The following CLCN6 variants were observed in gnomAD, a reference collection of about 807,000 sequenced individuals.
CLCN6 encodes Cl-/H+ antiporter 6, also known as H(+)/Cl(-) exchange transporter 6.
A neutral mutation model predicts 109.8 loss-of-function variants in CLCN6; 70 were observed. The observed-to-expected ratio is 0.64, with a 90% CI of 0.53 to 0.78. CLCN6 has a LOEUF of 0.78. CLCN6 is among the 30% of genes least tolerant of loss of function. CLCN6 has a pLI of 0.00. For missense variants in CLCN6, 984 were observed against 1,142.3 expected (o/e 0.86, Z 2.00); for synonymous variants, 444 against 447.8 (o/e 0.99, Z 0.11).
At chr1:11,819,903 T>G (rs1410397726) in intron 5 of CLCN6, among the ~76,000 whole-genome samples, 2 of 152,204 alleles carry the variant, frequency 1.3e-5, no homozygotes, top group Non-Finnish European at 2.9e-5. Flanking sequence ...GCAGTCAGTA[T>G]AGTTCTAAAT....
At chr1:11,812,634 G>T (rs1379995727) in intron 2 of CLCN6, among the ~76,000 whole-genome samples, 2 of 143,928 alleles carry the variant, frequency 1.4e-5, no homozygotes, top group Non-Finnish European at 3.0e-5. Context: ...AAGATACCAC[G>T]GCTCAAAAAA....
chr1:11,811,242 C>T (rs771859759), intron 2 of CLCN6, among the ~76,000 whole-genome samples: 3 of 152,024 alleles, frequency 2.0e-5, no homozygotes, highest in Non-Finnish European at 4.4e-5. Flanking sequence ...TCTAGCGTTG[C>T]GGTTGTTTCT....
chr1:11,806,829 C>G (rs1374445691), intron 1 of CLCN6: 2 of 408,322 alleles, frequency 4.9e-6, no homozygotes, highest in African/African-American at 4.1e-5. Context: ...AGATACGTCA[C>G]ACTGTCAAAT....
rs1422615019 is a variant in CLCN6, at chr1:11,823,848, A to G, written c.580+15A>G. 4 of 1,613,620 alleles carry G rather than the reference A, an allele frequency of 2.5e-6. No individual in the cohort carries two copies. Among genetic ancestry groups the G allele is most frequent in the Admixed American group, 1.7e-5 (1 of 59,936 alleles). ...TGTGGCTGGAGGTAAGAAGGGTCCAACTTGTATCCTTCAAATACTCAAAGG... is the reference window on the plus strand; with the variant it reads ...TGTGGCTGGAGGTAAGAAGGGTCCAGCTTGTATCCTTCAAATACTCAAAGG... On this transcript the variant is annotated intron_variant, in intron 7 of 22. Transcript: ENST00000346436.
chr1:11,813,844 A>G (rs1644634844), intron 2 of CLCN6, among the ~76,000 whole-genome samples: 1 of 152,236 alleles, frequency 6.6e-6, no homozygotes, highest in South Asian at 2.1e-4. Flanking sequence ...TTAATCAAAA[A>G]GGGATATTAT....
chr1:11,825,758 G>A (rs897761272), intron 8 of CLCN6, among the ~76,000 whole-genome samples: 24 of 152,198 alleles, frequency 1.6e-4, no homozygotes, highest in Admixed American at 5.9e-4. Flanking sequence ...GAGTAGCTGG[G>A]ATTACAGGCA....
intron 22 of CLCN6, among the ~76,000 whole-genome samples, chr1:11,839,379 A>C (rs1644991054): frequency 6.6e-6 from 1 of 152,136 alleles, no homozygotes; most frequent in Admixed American, 6.5e-5. Context: ...CTCCCACCTC[A>C]GCCTCCTGAG....
At chr1:11,835,654 C>G (rs952884160) in intron 17 of CLCN6, among the ~76,000 whole-genome samples, 1 of 152,120 alleles carries the variant, frequency 6.6e-6, no homozygotes, top group Non-Finnish European at 1.5e-5. Flanking sequence ...CTGCAGGGCA[C>G]CGAGGAGGGC....
intron 2 of CLCN6, among the ~76,000 whole-genome samples, chr1:11,808,020 G>A (rs958904675): frequency 3.3e-5 from 5 of 152,142 alleles, no homozygotes; most frequent in South Asian, 2.1e-4. Context: ...TAGTGTCAGC[G>A]TTAGGATTTG....
At position 11,837,437 on chromosome 1, in the gene CLCN6, A is replaced by G; in HGVS notation, c.2233A>G (p.Ile745Val). The change falls in exon 20 of 23, where the codon ATC becomes GTC. Residue 745 changes from isoleucine to valine, a missense_variant. Transcript: ENST00000346436. Reference protein sequence around the residue: ...RFRPLTFHGLILRSQLVTLLV... With the variant: ...RFRPLTFHGLVLRSQLVTLLV... Reference sequence around the variant, plus strand: ...CCGCCCTCTGACCTTCCACGGCCTGATCCTTCGGTCGCAGCTTGTCACCCT... The same window carrying G: ...CCGCCCTCTGACCTTCCACGGCCTGGTCCTTCGGTCGCAGCTTGTCACCCT... 1 of 1,614,106 alleles carries G rather than the reference A, an allele frequency of 6.2e-7. No homozygotes were observed. The highest frequency in any genetic ancestry group is 8.5e-7 in the Non-Finnish European group (1 of 1,179,998).
chr1:11,823,769 A>G lies in CLCN6; in HGVS notation c.516A>G (p.Pro172=). The change falls in exon 7 of 23, where the codon CCA becomes CCG. Residue 172 remains proline, a synonymous_variant. Coordinates refer to ENST00000346436, the MANE Select transcript of CLCN6 (RefSeq NM_001286.5). ...GCTATCTGAATGGCGTAAAGGTGCC[A>G]GGAATCGTCCGTCTCCGGACCCTGC... ...VKCYLNGVKV[P]GIVRLRTLLC... is the part of the protein sequence containing the mutation. 2 of 1,614,270 alleles carry G rather than the reference A, an allele frequency of 1.2e-6. No individual in the cohort carries two copies. Among genetic ancestry groups the G allele is most frequent in the Non-Finnish European group, 1.7e-6 (2 of 1,180,040 alleles).
At position 11,827,070 on chromosome 1, in the gene CLCN6, GTCTC is replaced by G. The variant is rs747126946; in HGVS notation, c.708-14_708-11del. On this transcript the variant is annotated splice_polypyrimidine_tract_variant and intron_variant, in intron 9 of 22. Transcript: ENST00000346436. Reference sequence around the variant, plus strand: ...CTGGGGGCTCTTTATTGGATAACCCGTCTCTCTCCTCTCCTCAGAGACAAGAGAG... The same window carrying G: ...CTGGGGGCTCTTTATTGGATAACCCGTCTCCTCTCCTCAGAGACAAGAGAG... 1.5e-5 allele frequency: 24 copies of G among 1,612,204 alleles called. No homozygotes were observed. The highest frequency in any genetic ancestry group is 2.2e-5 in the East Asian group (1 of 44,818).
chr1:11,837,302 G>T (rs756298027), intron 19 of CLCN6, 41 bp from the exon 20 acceptor site: 2 of 1,597,324 alleles, frequency 1.3e-6, no homozygotes, highest in Non-Finnish European at 1.7e-6. Flanking sequence ...AAGCGCTCCC[G>T]CTGAGGGTAT....
intron 4 of CLCN6, among the ~76,000 whole-genome samples, chr1:11,816,891 C>T (rs1429892172): frequency 6.6e-6 from 1 of 151,516 alleles, no homozygotes; most frequent in Admixed American, 6.6e-5. Flanking sequence ...TTTCACACTT[C>T]CCCTGCTTTT....
rs551943261 is a variant in CLCN6, at chr1:11,820,321, A to G, written c.346+767A>G. On this transcript the variant is annotated intron_variant, in intron 5 of 22. Coordinates refer to ENST00000346436, the MANE Select transcript of CLCN6 (RefSeq NM_001286.5). ...TGATGCTGGGACATGGGTGATCCATATGGAAAAATAGTTATATTCCTATTT... is the reference window on the plus strand; with the variant it reads ...TGATGCTGGGACATGGGTGATCCATGTGGAAAAATAGTTATATTCCTATTT... The G allele has an allele frequency of 2.3e-5, 16 of 711,012 alleles. No homozygotes were observed. The South Asian group carries it at 2.4e-4, about 11-fold the overall frequency. 44.0% of individuals were successfully genotyped at this position (711,012 alleles called of 1,614,324 possible).
At chr1:11,838,299 G>C (rs935823088) in intron 20 of CLCN6, 36 bp from the exon 21 acceptor site, 3 of 1,594,910 alleles carry the variant, frequency 1.9e-6, no homozygotes, top group Non-Finnish European at 2.6e-6. Flanking sequence ...GGCCACTGCT[G>C]CCTGAGCACG....
At chr1:11,827,882 A>G (rs1644833203) in intron 10 of CLCN6, among the ~76,000 whole-genome samples, 1 of 152,198 alleles carries the variant, frequency 6.6e-6, no homozygotes, top group Admixed American at 6.5e-5. Flanking sequence ...GGCTGTAAAT[A>G]GGCTCTCATA....
Position 11,828,584 on chromosome 1 carries a change from T to C in CLCN6, c.1081T>C (p.Tyr361His). 1 of 1,613,812 alleles carries C rather than the reference T, an allele frequency of 6.2e-7. No individual in the cohort carries two copies. Among genetic ancestry groups the C allele is most frequent in the Non-Finnish European group, 8.5e-7 (1 of 1,179,886 alleles). Residue 361 changes from tyrosine (Y) to histidine (H), a missense_variant, in exon 12 of 23, where the codon TAC (tyrosine) becomes CAC (histidine). By Grantham distance (83) the Tyr-to-His change is moderately conservative. Coordinates refer to ENST00000346436, the MANE Select transcript of CLCN6 (RefSeq NM_001286.5). ...FNCLNKRLAK[Y>H]RMRNVHPKPK... ...CTGTCTGAACAAGAGGCTTGCAAAG[T>C]ACCGTATGCGAAACGTGCACCCGAA...
intron 18 of CLCN6, 130 bp downstream of exon 18, chr1:11,836,283 T>C: frequency 2.6e-6 from 2 of 774,990 alleles, no homozygotes; most frequent in South Asian, 3.7e-5. Context: ...ACTGTTCTCA[T>C]CACATGCGAC....
Sources: gnomAD v4.1 joint callset for allele counts (sites outside exome capture counted in the v4.1 genomes callset) on GRCh38, gnomAD v4.1.1 for gene constraint, MANE v1.5 for transcripts, NCBI Gene and HGNC (gene_info 2026-07-23, HGNC 2026-07-21) for gene names.